SUGP2: variants seen among roughly 807,000 people sequenced by gnomAD.
The protein encoded by SUGP2 is SURP and G-patch domain containing 2, also known as SURP and G-patch domain-containing protein 2.
SUGP2 carries 24 observed loss-of-function variants against 90.5 expected under a neutral mutation model. That is an observed-to-expected ratio of 0.27 (90% confidence interval 0.19 to 0.37). The LOEUF (loss-of-function observed/expected upper bound fraction) is 0.37. Among genes scored for constraint, SUGP2 ranks in the 10% least tolerant of loss-of-function variants. The probability of loss-of-function intolerance (pLI) is 1.00; values close to 1 mark genes in which losing one functional copy is unlikely to be tolerated. For synonymous variants in SUGP2, 473 were observed against 513.4 expected, an observed-to-expected ratio of 0.92 and a Z score of 1.06; for missense variants, 1,233 against 1,363.3, an observed-to-expected ratio of 0.90 and a Z score of 1.51.
intron 3 of SUGP2, among the ~76,000 whole-genome samples, chr19:19,021,528 T>A (rs1326287385): frequency 1.3e-5 from 2 of 152,156 alleles, no homozygotes; most frequent in African/African-American, 2.4e-5. Flanking sequence ...TTAGCTAGGA[T>A]GACCACGAAC....
At position 18,993,067 on chromosome 19, in the gene SUGP2, G is replaced by A. The variant is rs2057430177; in HGVS notation, c.*674C>T. The A allele has an allele frequency of 6.6e-6, 1 of 152,184 alleles. No homozygotes were observed. The highest frequency in any genetic ancestry group is 2.1e-4 in the South Asian group (1 of 4,828). The allele number at this position is 152,184 out of a possible 1,614,324, so 9.4% of individuals were successfully genotyped here. A position where few individuals can be genotyped will look rare whatever the true frequency, so the allele number is the denominator to read the frequency against. ...GTTTGCTTACACTGTGGATTCTAAA[G>A]AGACATGTAAATCTGGGGCCGATTT... On this transcript the variant is annotated 3_prime_UTR_variant, in exon 11 of 11. Transcript: ENST00000452918.
intron 5 of SUGP2, among the ~76,000 whole-genome samples, chr19:19,009,541 G>A (rs2024104272): frequency 6.6e-6 from 1 of 152,116 alleles, no homozygotes; most frequent in African/African-American, 2.4e-5. Context: ...AGCAGGACAT[G>A]GGATCCCAAG....
intron 4 of SUGP2, 32 bp downstream of exon 4, chr19:19,019,077 G>C: frequency 6.2e-7 from 1 of 1,603,624 alleles, no homozygotes; most frequent in Non-Finnish European, 8.5e-7. Flanking sequence ...CTCCATGAGA[G>C]GGATTCACAG....
rs1004875214 is a variant in SUGP2, at chr19:19,033,319, G to A, written c.-12+118C>T. On this transcript the variant is annotated intron_variant, in intron 1 of 10. Transcript: ENST00000452918. ...ACCCGGCGGGGACGCGGCCGCCGCCGCAGCCAGAGGGCCGAGCCTGCGACG... is the reference window on the plus strand; with the variant it reads ...ACCCGGCGGGGACGCGGCCGCCGCCACAGCCAGAGGGCCGAGCCTGCGACG... 1.9e-5 allele frequency: 20 copies of A among 1,071,310 alleles called. No homozygotes were observed. The African/African-American group carries it at 2.2e-4, about 12-fold the overall frequency. 66.4% of individuals were successfully genotyped at this position (1,071,310 alleles called of 1,614,324 possible). A position where few individuals can be genotyped will look rare whatever the true frequency, so the allele number is the denominator to read the frequency against.
intron 4 of SUGP2, among the ~76,000 whole-genome samples, chr19:19,011,514 A>G (rs980437098): frequency 1.3e-5 from 2 of 152,204 alleles, no homozygotes; most frequent in African/African-American, 4.8e-5. Context: ...TGCATCTGGT[A>G]TATAATGTTC....
chr19:19,031,095 A>C lies in SUGP2; in HGVS notation c.-11-13T>G. 6.2e-7 allele frequency: 1 copy of C among 1,605,558 alleles called. No homozygotes were observed. Among genetic ancestry groups the C allele is most frequent in the African/African-American group, 1.3e-5 (1 of 74,422 alleles). ...ATGTTATTTTGCCCTATGGTGAGAG[A>C]GAAAAAAATACACTAAGAGCAACAA... On this transcript the variant is annotated splice_polypyrimidine_tract_variant and intron_variant, in intron 1 of 10. Transcript: ENST00000452918.
rs1395357369 is a variant in SUGP2 at position 18,993,393 on chromosome 19, T to A, written c.*348A>T. The A allele has an allele frequency of 1.3e-5, 2 of 152,134 alleles. No individual in the cohort carries two copies. Among genetic ancestry groups the A allele is most frequent in the African/African-American group, 4.8e-5 (2 of 41,430 alleles). 9.4% of individuals were successfully genotyped at this position (152,134 alleles called of 1,614,324 possible). A position where few individuals can be genotyped will look rare whatever the true frequency, so the allele number is the denominator to read the frequency against. ...TCTGGAGAGCAATGGCCAGTCCAAC[T>A]GGAAAATCAGCCAGAGGAGCTGGTT... On this transcript the variant is annotated 3_prime_UTR_variant, in exon 11 of 11. Transcript: ENST00000452918.
Position 19,004,430 on chromosome 19 carries a change from C to T in SUGP2, c.2667G>A (p.Glu889=), listed in dbSNP as rs779714068. The T allele has an allele frequency of 7.4e-6, 12 of 1,614,232 alleles. No individual in the cohort carries two copies. The highest frequency in any genetic ancestry group is 8.5e-6 in the Non-Finnish European group (10 of 1,180,034). ...PPREAELESP[E]VMPEEEDEDD... is the part of the protein sequence containing the mutation. ...CCTCGTCCTCCTCCTCAGGCATCACCTCTGGGCTCTCCAGCTCAGCCTCCC... is the reference window on the plus strand; with the variant it reads ...CCTCGTCCTCCTCCTCAGGCATCACTTCTGGGCTCTCCAGCTCAGCCTCCC... Residue 889 remains glutamate, a synonymous_variant, in exon 7 of 11, where the codon GAG becomes GAA. Coordinates refer to ENST00000452918, the MANE Select transcript of SUGP2 (RefSeq NM_001017392.5).
rs375174157 is a variant in SUGP2 at position 19,010,251 on chromosome 19, C to A, written c.1942G>T (p.Asp648Tyr). The A allele has an allele frequency of 1.9e-6, 3 of 1,614,068 alleles. No homozygotes were observed. Among genetic ancestry groups the A allele is most frequent in the South Asian group, 1.1e-5 (1 of 91,080 alleles). The change falls in exon 5 of 11, where the codon GAC becomes TAC. Residue 648 changes from aspartate to tyrosine, a missense_variant. By Grantham distance (160) the Asp-to-Tyr change is radical. Around this residue, in one of 8 missense-constraint regions of SUGP2, gnomAD observed 540 missense variants for 542.6 expected, o/e 1.00. Transcript: ENST00000452918. ...CAGTCTGCTGAGGTCGGCTTCTGGT[C>A]GGCTCCTCGCAAGTTCTCGCTCATC... ...QRMSENLRGA[D>Y]QKPTSADCAV...
intron 2 of SUGP2, among the ~76,000 whole-genome samples, chr19:19,029,328 GT>G (rs988308060): frequency 6.0e-5 from 9 of 151,102 alleles, no homozygotes; most frequent in Non-Finnish European, 8.8e-5. Context: ...TAGAGACAGG[GT>G]TTCACCGTGT....
chr19:19,011,615 TTGC>T (rs2072113780), intron 4 of SUGP2, among the ~76,000 whole-genome samples: 1 of 152,266 alleles, frequency 6.6e-6, no homozygotes, highest in African/African-American at 2.4e-5. Flanking sequence ...ATTTTGGTTG[TTGC>T]TGGTTTCTAG....
chr19:19,014,804 CAA>C (rs202072636), intron 4 of SUGP2, among the ~76,000 whole-genome samples: 3 of 131,564 alleles, frequency 2.3e-5, no homozygotes, highest in East Asian at 2.1e-4. Context: ...TCTCTTTAAA[CAA>C]AAAAAAAAAA....
At position 19,026,136 on chromosome 19, in the gene SUGP2, T is replaced by C. The variant is rs985938949; in HGVS notation, c.212A>G (p.His71Arg). 6.2e-7 allele frequency: 1 copy of C among 1,613,638 alleles called. No individual in the cohort carries two copies. Among genetic ancestry groups the C allele is most frequent in the South Asian group, 1.1e-5 (1 of 91,060 alleles). ...GRYSLSGSVAHSRDAGREGLR... is the reference protein window; with the variant it reads ...GRYSLSGSVARSRDAGREGLR... Reference sequence around the variant, plus strand: ...GCCTTCTCTTCCGGCATCTCTAGAGTGAGCTACAGATCCACTGAGGGAGTA... The same window carrying C: ...GCCTTCTCTTCCGGCATCTCTAGAGCGAGCTACAGATCCACTGAGGGAGTA... Residue 71 changes from histidine to arginine, a missense_variant, in exon 3 of 11, where the codon CAC (histidine) becomes CGC (arginine). His to Arg is a conservative substitution (Grantham distance 29). Coordinates refer to ENST00000452918, the MANE Select transcript of SUGP2 (RefSeq NM_001017392.5).
chr19:19,014,159 A>G (rs2058406845), intron 4 of SUGP2, among the ~76,000 whole-genome samples: 1 of 152,018 alleles, frequency 6.6e-6, no homozygotes, highest in Non-Finnish European at 1.5e-5. Context: ...ATGCCCAGCT[A>G]ATTTTTTATT....
rs531870495 is a variant in SUGP2 at position 19,023,272 on chromosome 19, T to C, written c.1729+1347A>G. ...ACCTCTCCAACTTTCCAGGCTAGAC[T>C]GGAGCCTCTCCTGTGTCGCTTTAAT... On this transcript the variant is annotated intron_variant, in intron 3 of 10. Coordinates refer to ENST00000452918, the MANE Select transcript of SUGP2 (RefSeq NM_001017392.5). 9.8e-5 allele frequency among the ~76,000 whole-genome samples: 15 copies of C among 152,334 alleles called. No individual in the cohort carries two copies. The East Asian group carries it at 2.9e-3, about 29-fold the overall frequency.
rs760451096 is a variant in SUGP2 at position 19,004,538 on chromosome 19, A to C, written c.2559T>G (p.Gly853=). The change falls in exon 7 of 11, where the codon GGT becomes GGG. Residue 853 remains glycine (G), a synonymous_variant. Transcript: ENST00000452918. ...CCTGAGAACCCGTGGTGTCACCACC[A>C]CCAGTGTGAAGGTTGTGCGGAGATG... ...FTSSPHNLHT[G]GGDTTGSQES... 2.5e-6 allele frequency: 4 copies of C among 1,614,212 alleles called. No individual in the cohort carries two copies. Among genetic ancestry groups the C allele is most frequent in the Non-Finnish European group, 3.4e-6 (4 of 1,180,022 alleles).
In SUGP2 at chr19:19,009,919, G is replaced by C. The variant is rs533275692; in HGVS notation, c.2274C>G (p.Pro758=). The change falls in exon 5 of 11, where the codon CCC becomes CCG. Residue 758 remains proline, a synonymous_variant. Coordinates refer to ENST00000452918, the MANE Select transcript of SUGP2 (RefSeq NM_001017392.5). ...CAGAGATGTCCACTCCTGCTGGCTTGGGGGATGGGCCTGAGGCTTCTAAGC... is the reference window on the plus strand; with the variant it reads ...CAGAGATGTCCACTCCTGCTGGCTTCGGGGATGGGCCTGAGGCTTCTAAGC... ...DPSLEASGPS[P]KPAGVDISEA... The C allele has an allele frequency of 1.9e-6, 3 of 1,614,176 alleles. No individual in the cohort carries two copies. The highest frequency in any genetic ancestry group is 1.3e-5 in the African/African-American group (1 of 75,052).
At position 19,024,829 on chromosome 19, in the gene SUGP2, T is replaced by C; in HGVS notation, c.1519A>G (p.Ile507Val). The change falls in exon 3 of 11, where the codon ATA (isoleucine) becomes GTA (valine). Residue 507 changes from isoleucine to valine, a missense_variant. Physicochemically the swap from Ile to Val is conservative, Grantham distance 29. This residue lies in a region of SUGP2 where 540 missense variants were observed against 542.6 expected (regional missense o/e 1.00). Transcript: ENST00000452918. Reference protein sequence around the residue: ...KILEAVGLQDIAPSPAAFPNF... With the variant: ...KILEAVGLQDVAPSPAAFPNF... ...GGAAACGCAGCAGGTGAGGGAGCTA[T>C]ATCTTGCAGGCCGACAGCTTCTAAG... 7 of 1,614,204 alleles carry C rather than the reference T, an allele frequency of 4.3e-6. No individual in the cohort carries two copies. Among genetic ancestry groups the C allele is most frequent in the Non-Finnish European group, 5.9e-6 (7 of 1,180,046 alleles).
chr19:19,001,600 T>C lies in SUGP2; in HGVS notation c.2991+13A>G, dbSNP rs1224219076. 3.7e-6 allele frequency: 6 copies of C among 1,613,940 alleles called. No homozygotes were observed. The highest frequency in any genetic ancestry group is 5.1e-6 in the Non-Finnish European group (6 of 1,179,884). The stretch of plus-strand genomic sequence containing the variant: ...CTATACTTTGAGTGAGGACTACCAA[T>C]GATTACGCTCACCTTCTTTTTGGAC... On this transcript the variant is annotated intron_variant, in intron 8 of 10. Coordinates refer to ENST00000452918, the MANE Select transcript of SUGP2 (RefSeq NM_001017392.5).
Sources: allele counts gnomAD v4.1 joint callset (sites outside exome capture counted in the v4.1 genomes callset), GRCh38; gene constraint gnomAD v4.1.1; regional missense constraint gnomAD v4.1.1; transcripts MANE v1.5; gene names NCBI Gene and HGNC (gene_info 2026-07-23, HGNC 2026-07-21).